POU2F1: variants seen among roughly 807,000 people sequenced by gnomAD.
POU2F1 encodes the protein POU class 2 homeobox 1.
Under a neutral mutation model 84.9 loss-of-function variants are expected in POU2F1, and 16 were observed. The ratio of observed to expected loss-of-function variants is 0.19; its 90% CI spans 0.13 to 0.29. POU2F1 has a LOEUF of 0.29. POU2F1 is among the 10% of genes least tolerant of loss of function. The probability of loss-of-function intolerance (pLI) is 1.00; values close to 1 mark genes in which losing one functional copy is unlikely to be tolerated. For synonymous variants in POU2F1, 368 were observed against 368.3 expected (o/e 1.00, Z 0.01); for missense variants, 738 against 942.6 (o/e 0.78, Z 2.84).
At chr1:167,360,423 C>T (rs1333160004) in intron 2 of POU2F1, among the ~76,000 whole-genome samples, 1 of 152,118 alleles carries the variant, frequency 6.6e-6, no homozygotes, top group Non-Finnish European at 1.5e-5. Context: ...ATATGGTCAG[C>T]CAGTTTTCCC....
At chr1:167,238,653 A>G (rs1162753989) in intron 1 of POU2F1, among the ~76,000 whole-genome samples, 1 of 152,226 alleles carries the variant, frequency 6.6e-6, no homozygotes, top group East Asian at 1.9e-4. Context: ...GGTCTGACTT[A>G]AAAAGGGAAA....
At chr1:167,349,207 AT>A (rs929746749) in intron 2 of POU2F1, among the ~76,000 whole-genome samples, 2 of 152,050 alleles carry the variant, frequency 1.3e-5, no homozygotes, top group Non-Finnish European at 2.9e-5. Flanking sequence ...TCCTCTTAAG[AT>A]TCATCTGAAA....
intron 1 of POU2F1, among the ~76,000 whole-genome samples, chr1:167,288,269 C>T (rs1653674268): frequency 6.6e-6 from 1 of 152,036 alleles, no homozygotes; most frequent in Non-Finnish European, 1.5e-5. Flanking sequence ...TATTATTCAC[C>T]AGTTTTCCTG....
At chr1:167,321,549 C>T (rs1241519241) in intron 1 of POU2F1, among the ~76,000 whole-genome samples, 1 of 152,146 alleles carries the variant, frequency 6.6e-6, no homozygotes, top group African/African-American at 2.4e-5. Flanking sequence ...CTGGAGAATT[C>T]TGGAGGAAAA....
chr1:167,363,958 T>C (rs1449091848), intron 2 of POU2F1, among the ~76,000 whole-genome samples: 2 of 152,210 alleles, frequency 1.3e-5, no homozygotes, highest in Non-Finnish European at 2.9e-5. Context: ...ACTGGTTTGC[T>C]CTGGATGTGT....
intron 1 of POU2F1, among the ~76,000 whole-genome samples, chr1:167,316,493 A>G (rs1021269617): frequency 4.6e-5 from 7 of 152,232 alleles, no homozygotes; most frequent in Non-Finnish European, 8.8e-5. Flanking sequence ...ACGAAACAAT[A>G]CAGGGAAAAG....
intron 2 of POU2F1, among the ~76,000 whole-genome samples, chr1:167,344,059 C>T (rs1201831024): frequency 6.6e-6 from 1 of 151,920 alleles, no homozygotes; most frequent in Non-Finnish European, 1.5e-5. Flanking sequence ...ACACTGACTG[C>T]ATGTGGCTCT....
intron 1 of POU2F1, among the ~76,000 whole-genome samples, chr1:167,267,214 A>G (rs1171418279): frequency 6.6e-6 from 1 of 151,896 alleles, no homozygotes. Flanking sequence ...GGGGGAAGGA[A>G]GCTGTAAAAA....
chr1:167,226,994 G>A (rs963886937), intron 1 of POU2F1, among the ~76,000 whole-genome samples: 4 of 151,804 alleles, frequency 2.6e-5, no homozygotes, highest in African/African-American at 4.8e-5. Context: ...TTGCTATGTT[G>A]CCTAGGCTAG....
At chr1:167,371,175 T>C (rs1420401411) in intron 4 of POU2F1, among the ~76,000 whole-genome samples, 2 of 152,200 alleles carry the variant, frequency 1.3e-5, no homozygotes, top group African/African-American at 4.8e-5. Context: ...TGGTAAACTT[T>C]CATCCCTTAG....
rs979705275 is a variant in POU2F1 at position 167,426,407 on chromosome 1, G to A, written c.*10597G>A. The A allele has an allele frequency of 2.0e-5, 3 of 152,054 alleles. No individual in the cohort carries two copies. The highest frequency in any genetic ancestry group is 4.4e-5 in the Non-Finnish European group (3 of 68,008). 9.4% of individuals were successfully genotyped at this position (152,054 alleles called of 1,614,324 possible). ...ACATAACAGTTTTCACTGCCTAGGT[G>A]TTCATAATAAAAAAGAAAATGAAAA... On this transcript the variant is annotated 3_prime_UTR_variant, in exon 16 of 16. Coordinates refer to ENST00000367866, the MANE Select transcript of POU2F1 (RefSeq NM_002697.4).
intron 2 of POU2F1, among the ~76,000 whole-genome samples, chr1:167,355,541 CA>C (rs1170938045): frequency 6.6e-6 from 1 of 152,138 alleles, no homozygotes; most frequent in Admixed American, 6.5e-5. Flanking sequence ...AAAAAAAAGA[CA>C]GAGAGAAAAT....
At chr1:167,267,630 CTTTTTTT>C (rs71073658) in intron 1 of POU2F1, among the ~76,000 whole-genome samples, 14 of 70,462 alleles carry the variant, frequency 2.0e-4, no homozygotes, top group African/African-American at 7.6e-4. Flanking sequence ...GTTACTGTGT[CTTTTTTT>C]TTTTTTTTTT....
chr1:167,350,994 A>G (rs1457196420), intron 2 of POU2F1, among the ~76,000 whole-genome samples: 1 of 151,672 alleles, frequency 6.6e-6, no homozygotes, highest in Non-Finnish European at 1.5e-5. Context: ...GCGAAACTCC[A>G]TCTCAAAAAA....
At chr1:167,356,735 T>C (rs1404224304) in intron 2 of POU2F1, among the ~76,000 whole-genome samples, 1 of 152,178 alleles carries the variant, frequency 6.6e-6, no homozygotes, top group Non-Finnish European at 1.5e-5. Context: ...GAAAGGAAAG[T>C]ACACTTAGAA....
At chr1:167,372,060 T>C (rs776448994) in intron 5 of POU2F1, 24 bp downstream of exon 5, 1 of 1,598,560 alleles carries the variant, frequency 6.3e-7, no homozygotes, top group Non-Finnish European at 8.5e-7. Flanking sequence ...GAGAGAATTA[T>C]AACAAACTTT....
chr1:167,282,179 G>A (rs992346864), intron 1 of POU2F1, among the ~76,000 whole-genome samples: 2 of 148,488 alleles, frequency 1.3e-5, no homozygotes, highest in Non-Finnish European at 3.0e-5. Flanking sequence ...GTCTCGCTCT[G>A]TCGCCCAGGC....
chr1:167,239,361 C>T (rs570315006), intron 1 of POU2F1, among the ~76,000 whole-genome samples: 3 of 152,280 alleles, frequency 2.0e-5, no homozygotes, highest in African/African-American at 7.2e-5. Context: ...ACATAGTTAA[C>T]TCCTAGTTAT....
At chr1:167,300,395 C>CAT (rs1420302860) in intron 1 of POU2F1, among the ~76,000 whole-genome samples, 2 of 152,168 alleles carry the variant, frequency 1.3e-5, no homozygotes, top group Non-Finnish European at 2.9e-5. Context: ...AGCAAACCTA[C>CAT]ATATGTACCC....
Sources: gnomAD v4.1 joint callset for allele counts (sites outside exome capture counted in the v4.1 genomes callset) on GRCh38, gnomAD v4.1.1 for gene constraint, MANE v1.5 for transcripts, NCBI Gene and HGNC (gene_info 2026-07-23, HGNC 2026-07-21) for gene names.